The following C12orf42 variants were observed in gnomAD, a reference collection of about 807,000 sequenced individuals.
C12orf42 encodes chromosome 12 open reading frame 42.
In C12orf42, 25 loss-of-function variants were observed where a neutral mutation model predicts 21.6. That is an observed-to-expected ratio of 1.16 (90% confidence interval 0.84 to 1.62). The LOEUF (loss-of-function observed/expected upper bound fraction) is 1.62. Among genes scored for constraint, C12orf42 ranks in the 40% most tolerant of loss-of-function variants. C12orf42 has a pLI of 0.00. For synonymous variants in C12orf42, 174 were observed against 175.0 expected (o/e 0.99, Z 0.05); for missense variants, 483 against 459.3 (o/e 1.05, Z -0.47).
the C12orf42 span, among the ~76,000 whole-genome samples, chr12:103,173,614 G>A: frequency 6.6e-6 from 1 of 152,072 alleles, no homozygotes; most frequent in East Asian, 1.9e-4. Flanking sequence ...AAGGCCCTTT[G>A]TAACTTTCAT....
At chr12:103,463,675 C>T (rs1952895512) in intron 2 of C12orf42, among the ~76,000 whole-genome samples, 1 of 152,136 alleles carries the variant, frequency 6.6e-6, no homozygotes, top group African/African-American at 2.4e-5. Context: ...CGGTAGTTTG[C>T]CGCACCTATT....
downstream of C12orf42, among the ~76,000 whole-genome samples, chr12:103,236,955 G>T (rs1184507397): frequency 6.6e-6 from 1 of 152,182 alleles, no homozygotes; most frequent in Admixed American, 6.5e-5. Context: ...CGTAGGTAGG[G>T]TGTCTAGGGA....
chr12:103,308,794 A>G (rs905685453), intron 4 of C12orf42, among the ~76,000 whole-genome samples: 3 of 152,248 alleles, frequency 2.0e-5, no homozygotes, highest in African/African-American at 7.2e-5. Flanking sequence ...AGGTCTTTGC[A>G]AAGATAATTA....
At chr12:103,290,915 C>T (rs1368444776) in intron 4 of C12orf42, among the ~76,000 whole-genome samples, 1 of 152,084 alleles carries the variant, frequency 6.6e-6, no homozygotes, top group African/African-American at 2.4e-5. Flanking sequence ...GAAATACTAT[C>T]TATTGAGTTC....
chr12:103,289,084 G>T (rs1159150610), intron 4 of C12orf42, among the ~76,000 whole-genome samples: 1 of 152,036 alleles, frequency 6.6e-6, no homozygotes, highest in African/African-American at 2.4e-5. Context: ...CAGTGTTAAG[G>T]TTCTATTATC....
intron 6 of C12orf42, among the ~76,000 whole-genome samples, chr12:103,269,608 CTAAATT>C (rs925450248): frequency 6.6e-6 from 1 of 152,124 alleles, no homozygotes; most frequent in African/African-American, 2.4e-5. Context: ...ATGGACTATT[CTAAATT>C]TATCAAATTC....
chr12:103,197,271 T>G, the C12orf42 span, among the ~76,000 whole-genome samples: 4 of 152,218 alleles, frequency 2.6e-5, no homozygotes, highest in East Asian at 7.7e-4. Context: ...GTACAGTTTC[T>G]GCTAAAAGTT....
At chr12:103,449,865 G>C (rs1951828510) in intron 2 of C12orf42, among the ~76,000 whole-genome samples, 1 of 150,754 alleles carries the variant, frequency 6.6e-6, no homozygotes, top group African/African-American at 2.4e-5. Flanking sequence ...TTAATGGGAA[G>C]AATGACCATC....
intron 2 of C12orf42, among the ~76,000 whole-genome samples, chr12:103,426,110 C>A (rs1010288371): frequency 6.6e-6 from 1 of 152,166 alleles, no homozygotes; most frequent in Non-Finnish European, 1.5e-5. Context: ...GGAGAATGAG[C>A]TTGATGAATT....
intron 2 of C12orf42, among the ~76,000 whole-genome samples, chr12:103,408,901 C>T (rs546060606): frequency 1.1e-4 from 16 of 152,112 alleles, no homozygotes; most frequent in Non-Finnish European, 2.1e-4. Flanking sequence ...TTTGATGTAT[C>T]CAAACATTAG....
chr12:103,463,343 C>T (rs1839240531), intron 2 of C12orf42, among the ~76,000 whole-genome samples: 1 of 151,992 alleles, frequency 6.6e-6, no homozygotes, highest in Non-Finnish European at 1.5e-5. Context: ...ACTCAAATAC[C>T]AATTATTTAA....
At chr12:103,335,639 G>C (rs1265413433) in intron 4 of C12orf42, among the ~76,000 whole-genome samples, 2 of 152,170 alleles carry the variant, frequency 1.3e-5, no homozygotes, top group Admixed American at 6.5e-5. Flanking sequence ...CTGAGAAAAA[G>C]AGACAGGCAA....
At chr12:103,372,542 T>C (rs747241218) in intron 3 of C12orf42, among the ~76,000 whole-genome samples, 2 of 152,162 alleles carry the variant, frequency 1.3e-5, no homozygotes, top group Non-Finnish European at 2.9e-5. Flanking sequence ...GAAGATTCTC[T>C]GGCCTCACCC....
At chr12:103,484,526 T>A (rs1386654295) in intron 1 of C12orf42, among the ~76,000 whole-genome samples, 1 of 152,194 alleles carries the variant, frequency 6.6e-6, no homozygotes, top group African/African-American at 2.4e-5. Context: ...TCTTGTAATT[T>A]GTTTAAGTTC....
At chr12:103,450,504 T>C (rs953535909) in intron 2 of C12orf42, among the ~76,000 whole-genome samples, 2 of 152,146 alleles carry the variant, frequency 1.3e-5, no homozygotes, top group African/African-American at 4.8e-5. Context: ...AGATTATCCT[T>C]GCATGACAAA....
At chr12:103,374,630 A>C (rs1593681617) in intron 3 of C12orf42, among the ~76,000 whole-genome samples, 1 of 152,260 alleles carries the variant, frequency 6.6e-6, no homozygotes, top group East Asian at 1.9e-4. Context: ...ATCTTGGGCC[A>C]CACACAAAAT....
intron 4 of C12orf42, among the ~76,000 whole-genome samples, chr12:103,325,957 T>C (rs1486182801): frequency 3.3e-5 from 5 of 152,142 alleles, no homozygotes; most frequent in African/African-American, 1.2e-4. Context: ...AAATGAACAA[T>C]AGCATCCTAA....
chr12:103,385,617 C>T (rs1437375405), intron 3 of C12orf42, among the ~76,000 whole-genome samples: 1 of 152,170 alleles, frequency 6.6e-6, no homozygotes, highest in African/African-American at 2.4e-5. Context: ...ATGATATTCT[C>T]TTCTTTATTG....
the C12orf42 span, among the ~76,000 whole-genome samples, chr12:103,158,614 C>T: frequency 2.0e-5 from 3 of 152,140 alleles, no homozygotes; most frequent in Admixed American, 6.5e-5. Context: ...GGTGTGGTGG[C>T]TCATGCCCAA....
Sources: allele counts gnomAD v4.1 joint callset (sites outside exome capture counted in the v4.1 genomes callset), GRCh38; gene constraint gnomAD v4.1.1; transcripts MANE v1.5; gene names NCBI Gene and HGNC (gene_info 2026-07-23, HGNC 2026-07-21).